CABP2: variants seen among roughly 807,000 people sequenced by gnomAD.
The protein encoded by CABP2 is calcium binding protein 2, also known as calcium-binding protein 2.
A neutral mutation model predicts 28.6 loss-of-function variants in CABP2; 25 were observed. The observed-to-expected ratio is 0.87, with a 90% CI of 0.64 to 1.22. CABP2 has a LOEUF of 1.22. CABP2 is among the 50% of genes most tolerant of loss of function. The pLI, the probability that CABP2 is intolerant of heterozygous loss-of-function variation, is 0.00. For missense variants in CABP2, 310 were observed against 312.2 expected, an observed-to-expected ratio of 0.99 and a Z score of 0.05; for synonymous variants, 138 against 126.0, an observed-to-expected ratio of 1.09 and a Z score of -0.64.
In CABP2 at chr11:67,519,116, C is replaced by G; in HGVS notation, c.*23G>C. ...GGCTGTGGTCCTTGAGTCCTTTATGCTGCCTCCAGCTTCTGTACAGGCTCA... is the reference window on the plus strand; with the variant it reads ...GGCTGTGGTCCTTGAGTCCTTTATGGTGCCTCCAGCTTCTGTACAGGCTCA... On this transcript the variant is annotated 3_prime_UTR_variant, in exon 7 of 7. Coordinates refer to ENST00000294288, the MANE Select transcript of CABP2 (RefSeq NM_016366.3). The G allele has an allele frequency of 1.9e-6, 3 of 1,613,748 alleles. No individual in the cohort carries two copies. The highest frequency in any genetic ancestry group is 2.5e-6 in the Non-Finnish European group (3 of 1,179,670).
At position 67,522,699 on chromosome 11, in the gene CABP2, G is replaced by C. The variant is rs950724245; in HGVS notation, c.60C>G (p.Leu20=). The change falls in exon 2 of 7, where the codon CTC becomes CTG. Residue 20 remains leucine (L), a synonymous_variant. Coordinates refer to ENST00000294288, the MANE Select transcript of CABP2 (RefSeq NM_016366.3). The part of the protein sequence containing the change: ...RRGPKDPLQW[L]GSPPRGSCPS... ...GGCAGGAGCCCCTTGGTGGGGAGCC[G>C]AGCCACTGCAAGGGGTCCTGCAGCA... The C allele has an allele frequency of 4.6e-6, 7 of 1,509,114 alleles. No homozygotes were observed. In the Admixed American group the frequency reaches 1.3e-4, roughly 27 times the overall value. 93.5% of individuals were successfully genotyped at this position (1,509,114 alleles called of 1,614,324 possible). A position where few individuals can be genotyped will look rare whatever the true frequency, so the allele number is the denominator to read the frequency against.
chr11:67,522,928 C>T (rs1002622086), intron 1 of CABP2, among the ~76,000 whole-genome samples: 1 of 152,234 alleles, frequency 6.6e-6, no homozygotes, highest in African/African-American at 2.4e-5. Flanking sequence ...AACTGAGGAC[C>T]AGAAAAGGCA....
At chr11:67,523,236 G>T in intron 1 of CABP2, 49 bp downstream of exon 1, 1 of 1,428,542 alleles carries the variant, frequency 7.0e-7, no homozygotes, top group Non-Finnish European at 9.7e-7. Flanking sequence ...CTGACCCTCA[G>T]GGTCCATTCC....
Position 67,520,021 on chromosome 11 carries a change from C to G in CABP2, c.489+30G>C, listed in dbSNP as rs771418384. 8 of 1,605,844 alleles carry G rather than the reference C, an allele frequency of 5.0e-6. No homozygotes were observed. The Admixed American group carries it at 1.0e-4, about 20-fold the overall frequency. ...CCCTCACTCACGGCAGACACGCAGC[C>G]CTGCCCGCCCTCAGCCCCAGTGGCC... On this transcript the variant is annotated intron_variant, in intron 5 of 6. Transcript: ENST00000294288.
Position 67,519,874 on chromosome 11 carries a change from C to T in CABP2, c.556G>A (p.Gly186Arg). The T allele has an allele frequency of 1.2e-6, 2 of 1,613,678 alleles. No individual in the cohort carries two copies. The highest frequency in any genetic ancestry group is 1.7e-6 in the Non-Finnish European group (2 of 1,179,986). Residue 186 changes from glycine to arginine, a missense_variant, in exon 6 of 7, where the codon GGG (glycine) becomes AGG (arginine). Gly to Arg is a moderately radical substitution (Grantham distance 125, BLOSUM62 -2). Coordinates refer to ENST00000294288, the MANE Select transcript of CABP2 (RefSeq NM_016366.3). ...ELRAALKALL[G>R]ERLSQREVDE... ...ACCTCCCGCTGGCTGAGGCGCTCCC[C>T]CAGCAGGGCCTTGAGGGCCGCCCGG...
At chr11:67,522,789 T>C (rs1866768970) in intron 1 of CABP2, 73 bp from the exon 2 acceptor site, 1 of 1,330,816 alleles carries the variant, frequency 7.5e-7, no homozygotes, top group Non-Finnish European at 1.0e-6. Context: ...CCCACTCCTC[T>C]CACCAGCTGC....
intron 6 of CABP2, 143 bp downstream of exon 6, chr11:67,519,650 C>A (rs1181465704): frequency 2.5e-6 from 2 of 797,192 alleles, no homozygotes; most frequent in African/African-American, 3.4e-5. Context: ...TCCTTCCTCT[C>A]GGATTCTCCA....
chr11:67,519,682 C>T, intron 6 of CABP2, 111 bp downstream of exon 6: 1 of 983,384 alleles, frequency 1.0e-6, no homozygotes, highest in South Asian at 1.4e-5. Context: ...TAGGAGAGGA[C>T]ATGGGAGTGC....
Position 67,519,844 on chromosome 11 carries a change from C to T in CABP2, c.586G>A (p.Glu196Lys), listed in dbSNP as rs199708887. The change falls in exon 6 of 7, where the codon GAG becomes AAG. Residue 196 changes from glutamate (E) to lysine (K), a missense_variant. Physicochemically the swap from Glu to Lys is moderately conservative, Grantham distance 56. Transcript: ENST00000294288. ...TTGAGGTCCACGTCCTGGAGGATCT[C>T]GTCCACCTCCCGCTGGCTGAGGCGC... is the stretch of plus-strand genomic sequence containing the variant. ...GERLSQREVD[E>K]ILQDVDLNGD... The T allele has an allele frequency of 2.9e-5, 46 of 1,613,952 alleles. No individual in the cohort carries two copies. Among genetic ancestry groups the T allele is most frequent in the Middle Eastern group, 1.6e-4 (1 of 6,082 alleles).
chr11:67,521,869 TG>T, intron 3 of CABP2, 82 bp downstream of exon 3: 2 of 425,548 alleles, frequency 4.7e-6, no homozygotes, highest in East Asian at 5.5e-5. Flanking sequence ...CCCCACCCGA[TG>T]CCCCCCCAAC....
rs1384563040 is a variant in CABP2, at chr11:67,519,781, G to A, written c.637+12C>T. On this transcript the variant is annotated intron_variant, in intron 6 of 6. Transcript: ENST00000294288. ...TTCCAGGGCGTGTGTTGCTATGTGC[G>A]GCAGGGGGTACCTTCGAAGTCGACC... 3 of 1,613,224 alleles carry A rather than the reference G, an allele frequency of 1.9e-6. No homozygotes were observed. Among genetic ancestry groups the A allele is most frequent in the Non-Finnish European group, 1.7e-6 (2 of 1,179,378 alleles).
chr11:67,522,731 G>A lies in CABP2; in HGVS notation c.43-15C>T. 1 of 1,467,820 alleles carries A rather than the reference G, an allele frequency of 6.8e-7. No homozygotes were observed. The highest frequency in any genetic ancestry group is 2.5e-5 in the East Asian group (1 of 39,936). The allele number at this position is 1,467,820 out of a possible 1,614,324, so 90.9% of individuals were successfully genotyped here. A position where few individuals can be genotyped will look rare whatever the true frequency, so the allele number is the denominator to read the frequency against. Reference sequence around the variant, plus strand: ...TGCAAGGGGTCCTGCAGCAGAGCCGGCCGTGAGCTGGGGCAGTGGCCGCTG... The same window carrying A: ...TGCAAGGGGTCCTGCAGCAGAGCCGACCGTGAGCTGGGGCAGTGGCCGCTG... On this transcript the variant is annotated splice_polypyrimidine_tract_variant and intron_variant, in intron 1 of 6. Transcript: ENST00000294288.
intron 2 of CABP2, 75 bp downstream of exon 2, chr11:67,522,471 C>CGAGGGGCAAGGGCAGGTGAGCTGGTGGGA: frequency 6.7e-7 from 1 of 1,483,770 alleles, no homozygotes; most frequent in Non-Finnish European, 9.2e-7. Context: ...GGCTGGAGTG[C>CGAGGGGCAAGGGCAGGTGAGCTGGTGGGA]GAGGGGCAAG....
intron 6 of CABP2, 25 bp downstream of exon 6, chr11:67,519,768 T>C (rs779746610): frequency 6.2e-7 from 1 of 1,611,632 alleles, no homozygotes; most frequent in Non-Finnish European, 8.5e-7. Flanking sequence ...CCAGGGCGTG[T>C]GTTGCTATGT....
At chr11:67,521,866 C>CCCTGG in intron 3 of CABP2, 86 bp downstream of exon 3, 23 of 656,260 alleles carry the variant, frequency 3.5e-5, no homozygotes, top group East Asian at 9.1e-5. Context: ...GGCCCCCACC[C>CCCTGG]GATGCCCCCC....
At position 67,519,931 on chromosome 11, in the gene CABP2, T is replaced by A. The variant is rs1565204392; in HGVS notation, c.499A>T (p.Asn167Tyr). 6.2e-7 allele frequency: 1 copy of A among 1,608,288 alleles called. No homozygotes were observed. ...LRDAFREFDTNGDGRISVGEL... is the reference protein window; with the variant it reads ...LRDAFREFDTYGDGRISVGEL... ...CCCACGCTGATGCGGCCGTCCCCAT[T>A]GGTGTCGAACTGTGGCGGCGTTGGT... Residue 167 changes from asparagine (N) to tyrosine (Y), a missense_variant, in exon 6 of 7, where the codon AAT becomes TAT. Asn to Tyr is a moderately radical substitution (Grantham distance 143, BLOSUM62 -2). Transcript: ENST00000294288.
At chr11:67,520,207 C>T in intron 4 of CABP2, 47 bp from the exon 5 acceptor site, 1 of 1,131,936 alleles carries the variant, frequency 8.8e-7, no homozygotes, top group East Asian at 2.4e-5. Flanking sequence ...AGACCCCTGC[C>T]CCTCCCTGGC....
intron 3 of CABP2, 130 bp downstream of exon 3, chr11:67,521,822 C>T: frequency 1.2e-6 from 1 of 820,116 alleles, no homozygotes; most frequent in Non-Finnish European, 2.0e-6. Flanking sequence ...TCCCCTGCAG[C>T]CTTCTTGCTC....
intron 6 of CABP2, 96 bp from the exon 7 acceptor site, chr11:67,519,260 A>G: frequency 8.4e-7 from 1 of 1,192,838 alleles, no homozygotes; most frequent in Non-Finnish European, 1.3e-6. Context: ...AGTGTGGTTG[A>G]GGGGAGGGTC....
Sources: allele counts gnomAD v4.1 joint callset (sites outside exome capture counted in the v4.1 genomes callset), GRCh38; gene constraint gnomAD v4.1.1; transcripts MANE v1.5; gene names NCBI Gene and HGNC (gene_info 2026-07-23, HGNC 2026-07-21).